CCDC7: variants seen among roughly 807,000 people sequenced by gnomAD.
CCDC7 encodes coiled-coil domain-containing protein 7.
A neutral mutation model predicts 196.9 loss-of-function variants in CCDC7; 183 were observed. The ratio of observed to expected loss-of-function variants is 0.93; its 90% CI spans 0.82 to 1.05. CCDC7 has a LOEUF of 1.05. CCDC7 is among the 50% of genes least tolerant of loss of function. The pLI is 0.00. For synonymous variants in CCDC7, 525 were observed against 484.6 expected, an observed-to-expected ratio of 1.08 and a Z score of -1.10; for missense variants, 1,540 against 1,482.2, an observed-to-expected ratio of 1.04 and a Z score of -0.64.
chr10:32,471,320 T>A (rs1377077010), intron 6 of CCDC7, 90 bp downstream of exon 7: 7 of 1,447,666 alleles, frequency 4.8e-6, no homozygotes, highest in Middle Eastern at 2.4e-4. Flanking sequence ...TCAGATATGA[T>A]GGCTATACAC....
exon 38 of CCDC7, chr10:32,847,881 T>A (rs1047183903): frequency 1.4e-5 from 22 of 1,610,964 alleles, no homozygotes; most frequent in Non-Finnish European, 1.8e-5. Flanking sequence ...AGTAAAACAA[T>A]TGGTGAGATA....
intron 41 of CCDC7, among the ~76,000 whole-genome samples, chr10:32,874,775 C>CACACACACACACATATAT (rs2094550126): frequency 6.6e-6 from 1 of 150,976 alleles, no homozygotes; most frequent in Non-Finnish European, 1.5e-5. Flanking sequence ...CACACACACA[C>CACACACACACACATATAT]ACACACACAT....
chr10:32,597,421 C>T (rs1328020599), intron 18 of CCDC7, among the ~76,000 whole-genome samples: 1 of 152,146 alleles, frequency 6.6e-6, no homozygotes, highest in African/African-American at 2.4e-5. Context: ...AGCCATTCGT[C>T]TACTCTTTTT....
At chr10:32,493,532 C>T (rs1279126228) in intron 9 of CCDC7, among the ~76,000 whole-genome samples, 5 of 151,654 alleles carry the variant, frequency 3.3e-5, no homozygotes, top group Non-Finnish European at 5.9e-5. Context: ...TGATTTATCC[C>T]ATTTCCTTTA....
At chr10:32,845,565 C>T in exon 35 of CCDC7, 1 of 1,611,904 alleles carries the variant, frequency 6.2e-7, no homozygotes, top group Non-Finnish European at 8.5e-7. Context: ...ACTTCTTTGC[C>T]TATGCTACTG....
chr10:32,699,450 T>A (rs1346200260), intron 24 of CCDC7, among the ~76,000 whole-genome samples: 2 of 151,100 alleles, frequency 1.3e-5, no homozygotes, highest in Non-Finnish European at 2.9e-5. Flanking sequence ...ACCCAGTCTA[T>A]CATTGTTGGA....
At chr10:32,482,042 C>T (rs1307916607) in intron 8 of CCDC7, among the ~76,000 whole-genome samples, 1 of 151,560 alleles carries the variant, frequency 6.6e-6, no homozygotes, top group Non-Finnish European at 1.5e-5. Context: ...TATATCTTTC[C>T]CTATATTTGG....
At chr10:32,470,407 G>A (rs966316254) in intron 5 of CCDC7, among the ~76,000 whole-genome samples, 1 of 151,936 alleles carries the variant, frequency 6.6e-6, no homozygotes, top group Non-Finnish European at 1.5e-5. Context: ...CTGTTTGTAG[G>A]TTTCTTTTGC....
rs11008966 is a variant in CCDC7 at position 32,539,540 on chromosome 10, G to T, written c.994-3760G>T. Among the ~76,000 whole-genome samples, 691 of 151,334 alleles carry T rather than the reference G, an allele frequency of 4.6e-3. 2 individuals are homozygous for T. Among genetic ancestry groups the T allele is most frequent in the Non-Finnish European group, 7.1e-3 (479 of 67,796 alleles). ...ATTTCTTCAGTTCAATTCTGATTTT[G>T]GTACTTCTTGCCTTTTGCTTGCCTT... On this transcript the variant is annotated intron_variant, in intron 11 of 41. Coordinates refer to ENST00000639629, the Ensembl canonical transcript of CCDC7.
intron 21 of CCDC7, among the ~76,000 whole-genome samples, chr10:32,683,480 T>C (rs761370504): frequency 1.3e-5 from 2 of 152,242 alleles, no homozygotes; most frequent in Non-Finnish European, 2.9e-5. Context: ...ATTTGGGCTC[T>C]TTATTGCTCC....
intron 32 of CCDC7, among the ~76,000 whole-genome samples, chr10:32,825,264 G>A (rs970796807): frequency 2.0e-5 from 3 of 152,182 alleles, no homozygotes; most frequent in Admixed American, 6.5e-5. Flanking sequence ...TGAAGGATTC[G>A]AAGTATTGAT....
intron 9 of CCDC7, among the ~76,000 whole-genome samples, chr10:32,506,720 T>C (rs937691272): frequency 6.8e-6 from 1 of 147,002 alleles, no homozygotes; most frequent in East Asian, 2.0e-4. Flanking sequence ...GTAGTGGCGG[T>C]GTGTGCCTGG....
At chr10:32,788,036 A>C (rs1009616198) in intron 29 of CCDC7, among the ~76,000 whole-genome samples, 4 of 152,144 alleles carry the variant, frequency 2.6e-5, no homozygotes, top group African/African-American at 9.7e-5. Context: ...ACTAGGCTGG[A>C]ATTTGCAGCC....
rs12267213 is a variant in CCDC7 at position 32,856,423 on chromosome 10, A to G, written c.4111+1934A>G. ...AGGCCAGCCTCCTAGAGAAACACTA[A>G]TCTGATCTGATCACCCTGCCCTCTG... On this transcript the variant is annotated intron_variant, in intron 41 of 41. Coordinates refer to ENST00000639629, the Ensembl canonical transcript of CCDC7. Among the ~76,000 whole-genome samples, 579 of 152,266 alleles carry G rather than the reference A, an allele frequency of 3.8e-3. 3 individuals are homozygous for G. Among genetic ancestry groups the G allele is most frequent in the African/African-American group, 0.013 (540 of 41,542 alleles).
In CCDC7 at chr10:32,854,488, AGG is replaced by A; in HGVS notation, c.4111_4111+1del. 6.6e-7 allele frequency: 1 copy of A among 1,505,440 alleles called. No individual in the cohort carries two copies. The highest frequency in any genetic ancestry group is 9.2e-7 in the Non-Finnish European group (1 of 1,085,732). 93.3% of individuals were successfully genotyped at this position (1,505,440 alleles called of 1,614,324 possible). On this transcript the variant is annotated splice_donor_variant and coding_sequence_variant, in exon 41 of 42. Transcript: ENST00000639629. LOFTEE classifies it high-confidence loss of function. ...ATACAGTTGGAAAACCTACCTATAAAGGTAAAAGAATCACTACAATACAGACA... is the reference window on the plus strand; with the variant it reads ...ATACAGTTGGAAAACCTACCTATAAATAAAAGAATCACTACAATACAGACA...
At chr10:32,593,878 C>T (rs972216631) in intron 18 of CCDC7, among the ~76,000 whole-genome samples, 2 of 151,912 alleles carry the variant, frequency 1.3e-5, no homozygotes, top group African/African-American at 4.8e-5. Context: ...ATATTATTTC[C>T]GAGGGCTCTA....
At chr10:32,454,122 C>T (rs1469934099) in intron 2 of CCDC7, among the ~76,000 whole-genome samples, 3 of 152,038 alleles carry the variant, frequency 2.0e-5, no homozygotes. Flanking sequence ...TCATATGATT[C>T]TATTTATATG....
chr10:32,760,524 T>A (rs1485463371), intron 28 of CCDC7, among the ~76,000 whole-genome samples: 12 of 151,960 alleles, frequency 7.9e-5, no homozygotes, highest in African/African-American at 2.9e-4. Flanking sequence ...ATATTCTCAC[T>A]CATAGGTGGG....
At chr10:32,577,030 A>T (rs1158625945) in intron 16 of CCDC7, among the ~76,000 whole-genome samples, 1 of 152,096 alleles carries the variant, frequency 6.6e-6, no homozygotes, top group Non-Finnish European at 1.5e-5. Flanking sequence ...TGTTGTAACT[A>T]TTTCCTTGGG....
Sources: allele counts gnomAD v4.1 joint callset (sites outside exome capture counted in the v4.1 genomes callset), GRCh38; gene constraint gnomAD v4.1.1; transcripts MANE v1.5; gene names NCBI Gene and HGNC (gene_info 2026-07-23, HGNC 2026-07-21).